The following IMMP2L variants were observed in gnomAD, a reference collection of about 807,000 sequenced individuals.
IMMP2L encodes the protein inner mitochondrial membrane peptidase subunit 2.
In IMMP2L, 18 loss-of-function variants were observed where a neutral mutation model predicts 19.3. The observed-to-expected ratio is 0.93, with a 90% CI of 0.64 to 1.38. IMMP2L has a LOEUF of 1.38. IMMP2L is among the 40% of genes most tolerant of loss of function. The probability of loss-of-function intolerance (pLI) is 0.00; values close to 1 mark genes in which losing one functional copy is unlikely to be tolerated. For missense variants in IMMP2L, 233 were observed against 218.2 expected (o/e 1.07, Z -0.43); for synonymous variants, 76 against 73.0 (o/e 1.04, Z -0.21).
At chr7:111,499,528 C>T (rs1219817904) in intron 2 of IMMP2L, among the ~76,000 whole-genome samples, 1 of 151,984 alleles carries the variant, frequency 6.6e-6, no homozygotes, top group African/African-American at 2.4e-5. Context: ...AAATCAGAGA[C>T]TTATGAAGTG....
chr7:110,869,540 C>CTA (rs1417787278), intron 5 of IMMP2L, among the ~76,000 whole-genome samples: 1 of 152,066 alleles, frequency 6.6e-6, no homozygotes, highest in Non-Finnish European at 1.5e-5. Context: ...ACAGACAAAA[C>CTA]TATAGGCCCC....
chr7:111,076,225 G>A (rs945725527), intron 3 of IMMP2L, among the ~76,000 whole-genome samples: 30 of 152,126 alleles, frequency 2.0e-4, no homozygotes, highest in African/African-American at 5.6e-4. Flanking sequence ...GGCTGTTGGA[G>A]ATGCAGGCTA....
intron 3 of IMMP2L, among the ~76,000 whole-genome samples, chr7:111,452,968 G>A (rs1297948474): frequency 6.6e-6 from 1 of 152,074 alleles, no homozygotes; most frequent in Non-Finnish European, 1.5e-5. Flanking sequence ...CAAATACCTA[G>A]AACAGTGTCT....
At chr7:111,122,961 C>T in intron 3 of IMMP2L, 1 of 1,614,036 alleles carries the variant, frequency 6.2e-7, no homozygotes, top group South Asian at 1.1e-5. Flanking sequence ...TTTTAACTTT[C>T]CCAGCCAGAT....
At chr7:110,950,841 CATAT>C (rs34797718) in intron 4 of IMMP2L, among the ~76,000 whole-genome samples, 209 of 100,596 alleles carry the variant, frequency 2.1e-3, no homozygotes, top group Middle Eastern at 0.016. Context: ...CAAAATGTGG[CATAT>C]ATATATATAT....
At chr7:110,897,416 G>A (rs950266711) in intron 4 of IMMP2L, among the ~76,000 whole-genome samples, 1 of 152,130 alleles carries the variant, frequency 6.6e-6, no homozygotes, top group African/African-American at 2.4e-5. Context: ...ACAAATTAGA[G>A]TAAACATGAC....
chr7:110,841,723 A>C (rs923806389), intron 5 of IMMP2L, among the ~76,000 whole-genome samples: 36 of 152,130 alleles, frequency 2.4e-4, no homozygotes, highest in African/African-American at 8.4e-4. Context: ...TAAGAGGAAA[A>C]TCAATTTTCA....
chr7:111,082,254 C>T (rs771145263), intron 3 of IMMP2L, among the ~76,000 whole-genome samples: 3 of 152,166 alleles, frequency 2.0e-5, no homozygotes, highest in Non-Finnish European at 4.4e-5. Context: ...TCACACTTCT[C>T]AGTGAGACCC....
At chr7:110,970,781 A>G (rs1307336220) in intron 3 of IMMP2L, among the ~76,000 whole-genome samples, 1 of 152,096 alleles carries the variant, frequency 6.6e-6, no homozygotes, top group African/African-American at 2.4e-5. Context: ...CTCACTGAGT[A>G]TGGCTTTGCA....
intron 3 of IMMP2L, among the ~76,000 whole-genome samples, chr7:111,183,733 T>C (rs1807967212): frequency 6.6e-6 from 1 of 152,074 alleles, no homozygotes; most frequent in Non-Finnish European, 1.5e-5. Flanking sequence ...CAAGGCATAT[T>C]TGTAGTTCAT....
In IMMP2L at chr7:110,720,207, G is replaced by C. The variant is rs539917290; in HGVS notation, c.409-56486C>G. On this transcript the variant is annotated intron_variant, in intron 5 of 5. Coordinates refer to ENST00000405709, the MANE Select transcript of IMMP2L (RefSeq NM_032549.4). ...AGAGATCACGAACAACAAAATTTAA[G>C]AGGTACCCAAATTGGAATTAAGGTG... Among the ~76,000 whole-genome samples the C allele has an allele frequency of 2.6e-5, 4 of 152,212 alleles. 1 individual carries two copies. Among genetic ancestry groups the C allele is most frequent in the African/African-American group, 9.6e-5 (4 of 41,528 alleles).
chr7:111,151,851 G>C lies in IMMP2L; in HGVS notation c.240-188286C>G, dbSNP rs551354842. On this transcript the variant is annotated intron_variant, in intron 3 of 5. Coordinates refer to ENST00000405709, the MANE Select transcript of IMMP2L (RefSeq NM_032549.4). ...CTCAGGAGGCTGAGGCACAAGAATC[G>C]TTTGAACCTGGGAGGCGGAGGTTGC... Among the ~76,000 whole-genome samples the C allele has an allele frequency of 2.4e-3, 368 of 152,234 alleles. 1 individual carries two copies. Among genetic ancestry groups the C allele is most frequent in the Admixed American group, 4.8e-3 (73 of 15,298 alleles).
At chr7:111,486,296 T>A (rs1256729901) in intron 3 of IMMP2L, among the ~76,000 whole-genome samples, 1 of 152,172 alleles carries the variant, frequency 6.6e-6, no homozygotes, top group Non-Finnish European at 1.5e-5. Flanking sequence ...CACAAAGCAC[T>A]AGCCAAAGGT....
intron 4 of IMMP2L, chr7:110,963,145 A>AT (rs1424137643): frequency 1.4e-6 from 2 of 1,419,594 alleles, no homozygotes; most frequent in Non-Finnish European, 1.9e-6. Flanking sequence ...AAATAGTTAA[A>AT]TGTTCTTGAA....
chr7:111,175,970 A>G (rs985142818), intron 3 of IMMP2L, among the ~76,000 whole-genome samples: 2 of 152,012 alleles, frequency 1.3e-5, no homozygotes, highest in African/African-American at 4.8e-5. Context: ...AGATCTGAAT[A>G]GATATTTCTC....
chr7:110,713,447 A>G (rs984824801), intron 5 of IMMP2L, among the ~76,000 whole-genome samples: 3 of 152,194 alleles, frequency 2.0e-5, no homozygotes, highest in African/African-American at 7.2e-5. Context: ...ATTCTGTGAA[A>G]AATGATATTG....
At chr7:110,886,320 G>GA (rs1381601973) in intron 5 of IMMP2L, among the ~76,000 whole-genome samples, 2 of 151,992 alleles carry the variant, frequency 1.3e-5, no homozygotes, top group Non-Finnish European at 2.9e-5. Flanking sequence ...TTCCAATTTG[G>GA]AATAAGGTAG....
At chr7:110,696,943 A>ACCAG (rs1468906005) in intron 5 of IMMP2L, among the ~76,000 whole-genome samples, 4 of 152,196 alleles carry the variant, frequency 2.6e-5, no homozygotes, top group African/African-American at 7.2e-5. Flanking sequence ...CTCAATAAAC[A>ACCAG]GCAATAAAGC....
intron 3 of IMMP2L, among the ~76,000 whole-genome samples, chr7:111,177,206 G>T (rs1807172500): frequency 6.6e-6 from 1 of 151,958 alleles, no homozygotes; most frequent in Non-Finnish European, 1.5e-5. Flanking sequence ...TGAAGACTGG[G>T]TCTTGCTCTG....
Sources: allele counts gnomAD v4.1 joint callset (sites outside exome capture counted in the v4.1 genomes callset), GRCh38; gene constraint gnomAD v4.1.1; transcripts MANE v1.5; gene names NCBI Gene and HGNC (gene_info 2026-07-23, HGNC 2026-07-21).